The following RUNX1T1 variants were observed in gnomAD, a reference collection of about 807,000 sequenced individuals.
RUNX1T1 encodes the protein RUNX1 partner transcriptional co-repressor 1.
RUNX1T1 carries 4 observed loss-of-function variants against 62.8 expected under a neutral mutation model. The ratio of observed to expected loss-of-function variants is 0.06; its 90% CI spans 0.03 to 0.15. The LOEUF is 0.15. Ranked by LOEUF, RUNX1T1 falls within the 10% of genes least tolerant of loss-of-function variation. The pLI is 1.00. For synonymous variants in RUNX1T1, 291 were observed against 286.0 expected (o/e 1.02, Z -0.18); for missense variants, 508 against 754.3 (o/e 0.67, Z 3.82).
intron 9 of RUNX1T1, among the ~76,000 whole-genome samples, chr8:91,974,880 A>G (rs1041934151): frequency 2.0e-5 from 3 of 152,224 alleles, no homozygotes; most frequent in Non-Finnish European, 4.4e-5. Flanking sequence ...GTATAAAAAT[A>G]CTTGGATAAG....
At chr8:92,030,730 A>T (rs1826061765) in intron 1 of RUNX1T1, among the ~76,000 whole-genome samples, 1 of 152,210 alleles carries the variant, frequency 6.6e-6, no homozygotes, top group Non-Finnish European at 1.5e-5. Context: ...GCCACTTCTC[A>T]TTCTTCTTCT....
intron 2 of RUNX1T1, among the ~76,000 whole-genome samples, chr8:92,015,902 G>A (rs1231288882): frequency 1.3e-5 from 2 of 152,160 alleles, no homozygotes; most frequent in East Asian, 3.9e-4. Context: ...TACCCCTGTG[G>A]CTTTGGGTAA....
chr8:92,004,251 A>C (rs913788606), intron 5 of RUNX1T1, among the ~76,000 whole-genome samples: 5 of 152,238 alleles, frequency 3.3e-5, no homozygotes, highest in Admixed American at 3.3e-4. Context: ...AAGCAGAGAA[A>C]GAAAGCAAAG....
At chr8:91,994,257 A>G (rs576284142) in intron 5 of RUNX1T1, among the ~76,000 whole-genome samples, 1 of 152,330 alleles carries the variant, frequency 6.6e-6, no homozygotes, top group South Asian at 2.1e-4. Context: ...TGTAGCTCAG[A>G]CATTACCTAA....
chr8:91,994,363 T>C (rs923389754), intron 5 of RUNX1T1: 3 of 205,280 alleles, frequency 1.5e-5, no homozygotes, highest in Admixed American at 5.6e-5. Context: ...TAATCTGTAT[T>C]TGCATATCCC....
At chr8:91,990,240 C>A (rs573721237) in intron 6 of RUNX1T1, among the ~76,000 whole-genome samples, 22 of 152,326 alleles carry the variant, frequency 1.4e-4, no homozygotes, top group African/African-American at 5.3e-4. Flanking sequence ...ATCTGGCTGG[C>A]TGCATTCCCC....
At chr8:92,017,315 T>C in exon 2 of RUNX1T1, 3 of 1,614,102 alleles carry the variant, frequency 1.9e-6, no homozygotes, top group Non-Finnish European at 2.5e-6. Flanking sequence ...AGATTGCGTC[T>C]TCACATCCAC....
intron 10 of RUNX1T1, among the ~76,000 whole-genome samples, chr8:91,961,273 G>A (rs1424456694): frequency 6.6e-5 from 10 of 152,144 alleles, no homozygotes; most frequent in Admixed American, 2.0e-4. Flanking sequence ...ATTAGACTAC[G>A]CCTTATTTGG....
At chr8:92,058,365 A>C (rs1410110210) in intron 1 of RUNX1T1, among the ~76,000 whole-genome samples, 2 of 152,178 alleles carry the variant, frequency 1.3e-5, no homozygotes, top group Non-Finnish European at 2.9e-5. Flanking sequence ...TATAAAATAA[A>C]TTTAATAGGC....
chr8:92,034,767 CAT>C (rs541671575), intron 1 of RUNX1T1, among the ~76,000 whole-genome samples: 12 of 139,520 alleles, frequency 8.6e-5, no homozygotes, highest in Admixed American at 6.0e-4. Context: ...CACACATATA[CAT>C]ATATATACAC....
upstream of RUNX1T1, among the ~76,000 whole-genome samples, chr8:92,102,543 C>T (rs1424231504): frequency 6.6e-6 from 1 of 152,078 alleles, no homozygotes; most frequent in Non-Finnish European, 1.5e-5. This position sits in a 1 kb window ranked among gnomAD's most constrained non-coding sequence, Gnocchi z 4.5. Context: ...CACTCGTCAT[C>T]TTCCTGCTCG....
At chr8:91,992,189 A>G (rs1236440782) in intron 5 of RUNX1T1, among the ~76,000 whole-genome samples, 1 of 152,194 alleles carries the variant, frequency 6.6e-6, no homozygotes. Context: ...CCTGTAGATA[A>G]CATTTTCATT....
At position 92,056,184 on chromosome 8, in the gene RUNX1T1, C is replaced by T. The variant is rs543792107; in HGVS notation, c.7+6362G>A. Among the ~76,000 whole-genome samples, 7 of 152,220 alleles carry T rather than the reference C, an allele frequency of 4.6e-5. 1 individual carries two copies. In the South Asian group the frequency reaches 1.0e-3, roughly 23 times the overall value. On this transcript the variant is annotated intron_variant, in intron 1 of 10. Transcript: ENST00000396218. ...GAGGGAAAGTTCAAACGTAAAATAA[C>T]GAGACTCTCAAAAGCACAGCAATTG...
At chr8:91,981,071 T>C (rs1471531400) in intron 8 of RUNX1T1, among the ~76,000 whole-genome samples, 1 of 152,132 alleles carries the variant, frequency 6.6e-6, no homozygotes, top group Non-Finnish European at 1.5e-5. Flanking sequence ...ACCTATTAAC[T>C]CATTATACAG....
chr8:92,039,368 C>T lies in RUNX1T1; in HGVS notation c.8-22005G>A, dbSNP rs116761320. Reference sequence around the variant, plus strand: ...CCTTTGTAGTGCTTCACCCCGTACACCACTCCCTTTGTGAAACTCTTTGTT... The same window carrying T: ...CCTTTGTAGTGCTTCACCCCGTACATCACTCCCTTTGTGAAACTCTTTGTT... On this transcript the variant is annotated intron_variant, in intron 1 of 10. Transcript: ENST00000396218. 3.1e-3 allele frequency among the ~76,000 whole-genome samples: 472 copies of T among 152,218 alleles called. 3 individuals are homozygous for T. The highest frequency in any genetic ancestry group is 0.011 in the African/African-American group (452 of 41,536).
chr8:91,963,024 G>A (rs928217141), intron 10 of RUNX1T1, among the ~76,000 whole-genome samples: 1 of 152,150 alleles, frequency 6.6e-6, no homozygotes, highest in Non-Finnish European at 1.5e-5. Context: ...TGCATGTGCT[G>A]GGAAGTGGAA....
At chr8:92,078,746 T>C (rs1158136752) in intron 1 of RUNX1T1, among the ~76,000 whole-genome samples, 2 of 152,216 alleles carry the variant, frequency 1.3e-5, no homozygotes, top group African/African-American at 2.4e-5. Flanking sequence ...AGGATTCTTG[T>C]TACAGAAATA....
At chr8:91,998,007 A>C (rs939859404) in intron 5 of RUNX1T1, among the ~76,000 whole-genome samples, 12 of 152,320 alleles carry the variant, frequency 7.9e-5, no homozygotes, top group African/African-American at 2.9e-4. Context: ...CGCAGACCAA[A>C]GACATTAATA....
At chr8:92,062,692 GGTGCTGGGCGC>G in exon 1 of RUNX1T1, 1 of 1,611,312 alleles carries the variant, frequency 6.2e-7, no homozygotes, top group African/African-American at 1.3e-5. Flanking sequence ...CCGGAGGCAG[GGTGCTGGGCGC>G]GTGCGCCTGC....
Sources: gnomAD v4.1 joint callset for allele counts (sites outside exome capture counted in the v4.1 genomes callset) on GRCh38, gnomAD v4.1.1 for gene constraint, Gnocchi (gnomAD v3.1) non-coding constraint, MANE v1.5 for transcripts, NCBI Gene and HGNC (gene_info 2026-07-23, HGNC 2026-07-21) for gene names.